Variants in ARMC9 observed in about 807,000 individuals in gnomAD.
ARMC9 encodes lisH domain-containing protein ARMC9.
In ARMC9, 94 loss-of-function variants were observed where a neutral mutation model predicts 107.0. The ratio of observed to expected loss-of-function variants is 0.88; its 90% confidence interval spans 0.74 to 1.04. The LOEUF (loss-of-function observed/expected upper bound fraction) is 1.04. Ranked by LOEUF, ARMC9 falls within the 50% of genes least tolerant of loss-of-function variation. ARMC9 has a pLI of 0.00. For synonymous variants in ARMC9, 380 were observed against 396.9 expected (o/e 0.96, Z 0.51); for missense variants, 942 against 1,030.1 (o/e 0.91, Z 1.17).
intron 9 of ARMC9, among the ~76,000 whole-genome samples, chr2:231,247,774 T>A (rs1484785234): frequency 6.6e-6 from 1 of 152,010 alleles, no homozygotes; most frequent in Non-Finnish European, 1.5e-5. Context: ...CTACTAAAAA[T>A]ACAAAAATTA....
At chr2:231,325,894 A>G (rs759274843) in intron 19 of ARMC9, among the ~76,000 whole-genome samples, 8 of 152,172 alleles carry the variant, frequency 5.3e-5, no homozygotes, top group Non-Finnish European at 1.2e-4. Flanking sequence ...TGCCCTCACC[A>G]TAGGGCATGA....
In ARMC9 at chr2:231,278,408, G is replaced by A; in HGVS notation, c.1501G>A (p.Gly501Ser). The stretch of plus-strand genomic sequence containing the variant: ...GAAGAACATGTGTGCCAAGGTGGCA[G>A]GCCTCGTGCTCAAAGTCCTTTCGGA... Reference protein sequence around the residue: ...TGKNMCAKVAGLVLKVLSDLL... With the variant: ...TGKNMCAKVASLVLKVLSDLL... The change falls in exon 16 of 25, where the codon GGC (glycine) becomes AGC (serine). Residue 501 changes from glycine to serine, a missense_variant. By Grantham distance (56) the Gly-to-Ser change is moderately conservative. Transcript: ENST00000611582. 6.2e-7 allele frequency: 1 copy of A among 1,614,134 alleles called. No individual in the cohort carries two copies.
At chr2:231,350,866 C>G (rs1345818074) in intron 21 of ARMC9, among the ~76,000 whole-genome samples, 1 of 149,568 alleles carries the variant, frequency 6.7e-6, no homozygotes, top group East Asian at 2.0e-4. Flanking sequence ...ACTTTCTTTT[C>G]CCCTTTTGGG....
At chr2:231,328,832 T>TTTTTTTTTTTTTTTTTTTTTTTTTTTG (rs2043521029) in intron 19 of ARMC9, among the ~76,000 whole-genome samples, 2 of 145,084 alleles carry the variant, frequency 1.4e-5, no homozygotes, top group African/African-American at 2.5e-5. Context: ...TTTTTTTTTT[T>TTTTTTTTTTTTTTTTTTTTTTTTTTTG]GAGTCGGAGT....
At chr2:231,342,477 T>TA (rs1218950946) in intron 20 of ARMC9, among the ~76,000 whole-genome samples, 4 of 152,072 alleles carry the variant, frequency 2.6e-5, no homozygotes, top group African/African-American at 9.7e-5. Flanking sequence ...GGCAGAGGAC[T>TA]AGTCACAGGC....
intron 21 of ARMC9, among the ~76,000 whole-genome samples, chr2:231,349,507 C>T (rs2044954948): frequency 1.3e-5 from 2 of 152,044 alleles, no homozygotes; most frequent in Non-Finnish European, 2.9e-5. Flanking sequence ...ATGGGCCAGG[C>T]GTGGTGGCTC....
At chr2:231,213,481 G>GTT (rs112510839) in intron 3 of ARMC9, among the ~76,000 whole-genome samples, 2 of 139,550 alleles carry the variant, frequency 1.4e-5, no homozygotes, top group African/African-American at 2.6e-5. Context: ...CACTTTTTTG[G>GTT]TTTTTTTTTT....
chr2:231,262,662 C>T lies in ARMC9; in HGVS notation c.1119+264C>T, dbSNP rs2038482941. On this transcript the variant is annotated intron_variant, in intron 12 of 24. Transcript: ENST00000611582. ...TCAAATTCCCTACTCTTTACCTCAC[C>T]TCACTGCTTACCATGAGTCCTGAAA... 2.0e-5 allele frequency among the ~76,000 whole-genome samples: 3 copies of T among 152,110 alleles called. No homozygotes were observed. In the South Asian group the frequency reaches 6.2e-4, roughly 32 times the overall value.
At chr2:231,279,269 T>A (rs2040013020) in intron 16 of ARMC9, among the ~76,000 whole-genome samples, 1 of 152,236 alleles carries the variant, frequency 6.6e-6, no homozygotes, top group Non-Finnish European at 1.5e-5. Flanking sequence ...AAGCACTTTT[T>A]AAATAAAGTA....
At chr2:231,240,072 G>A (rs757639738) in intron 9 of ARMC9, 31 bp downstream of exon 9, 23 of 1,554,784 alleles carry the variant, frequency 1.5e-5, no homozygotes, top group South Asian at 4.5e-5. Flanking sequence ...CAGGGTGCCC[G>A]TGGTCTATCC....
intron 17 of ARMC9, among the ~76,000 whole-genome samples, chr2:231,282,846 G>C (rs969437309): frequency 6.6e-6 from 1 of 152,166 alleles, no homozygotes; most frequent in Admixed American, 6.5e-5. Context: ...ACTAAACAGT[G>C]GACCTTAATT....
intron 9 of ARMC9, among the ~76,000 whole-genome samples, chr2:231,244,994 G>A (rs2036623210): frequency 6.6e-6 from 1 of 152,240 alleles, no homozygotes; most frequent in Non-Finnish European, 1.5e-5. Flanking sequence ...AAAGAAGTGA[G>A]GTTCTGCCCT....
At chr2:231,217,557 G>C (rs1444935712) in intron 5 of ARMC9, among the ~76,000 whole-genome samples, 1 of 141,212 alleles carries the variant, frequency 7.1e-6, no homozygotes, top group Admixed American at 7.0e-5. Context: ...AACAGAGTGA[G>C]ACCTTGTCTC....
intron 9 of ARMC9, among the ~76,000 whole-genome samples, chr2:231,250,080 G>A (rs568537806): frequency 2.6e-5 from 4 of 152,302 alleles, no homozygotes; most frequent in South Asian, 4.1e-4. Flanking sequence ...GATGCCCCAG[G>A]CCTGCCAGGC....
intron 21 of ARMC9, among the ~76,000 whole-genome samples, chr2:231,354,815 AG>A (rs1172317341): frequency 6.6e-6 from 1 of 152,190 alleles, no homozygotes; most frequent in Non-Finnish European, 1.5e-5. Context: ...AGGGGGAGCG[AG>A]GGCTCCGTTG....
chr2:231,212,511 T>C (rs2033005531), intron 3 of ARMC9, among the ~76,000 whole-genome samples: 1 of 152,200 alleles, frequency 6.6e-6, no homozygotes, highest in South Asian at 2.1e-4. Flanking sequence ...GCCATAACGT[T>C]TCACAAGAGT....
chr2:231,224,684 C>G (rs1370286687), intron 6 of ARMC9, among the ~76,000 whole-genome samples: 2 of 152,118 alleles, frequency 1.3e-5, no homozygotes, highest in Non-Finnish European at 2.9e-5. Flanking sequence ...CTAATATTTT[C>G]CTTGTTACAT....
chr2:231,241,077 A>T (rs887639672), intron 9 of ARMC9, among the ~76,000 whole-genome samples: 1 of 151,936 alleles, frequency 6.6e-6, no homozygotes, highest in Non-Finnish European at 1.5e-5. Flanking sequence ...GGGCACCTGT[A>T]GTCCCAGCTA....
chr2:231,315,500 C>G (rs1038173798), intron 19 of ARMC9, among the ~76,000 whole-genome samples: 2 of 152,162 alleles, frequency 1.3e-5, no homozygotes, highest in African/African-American at 4.8e-5. Flanking sequence ...GATTGTGCCA[C>G]TGCACTCCAG....
Sources: allele counts gnomAD v4.1 joint callset (sites outside exome capture counted in the v4.1 genomes callset), GRCh38; gene constraint gnomAD v4.1.1; transcripts MANE v1.5; gene names NCBI Gene and HGNC (gene_info 2026-07-23, HGNC 2026-07-21).